SVOP: variants seen among roughly 807,000 people sequenced by gnomAD.
SVOP encodes the protein SV2 related protein.
In SVOP, 17 loss-of-function variants were observed where a neutral mutation model predicts 69.1. The observed-to-expected ratio is 0.25, with a 90% confidence interval of 0.17 to 0.37. The LOEUF is 0.37. Ranked by LOEUF, SVOP falls within the 10% of genes least tolerant of loss-of-function variation. The pLI is 1.00. For synonymous variants in SVOP, 238 were observed against 238.6 expected, an observed-to-expected ratio of 1.00 and a Z score of 0.02; for missense variants, 435 against 597.5, an observed-to-expected ratio of 0.73 and a Z score of 2.84.
At chr12:108,976,191 G>C (rs1173566956) in intron 4 of SVOP, among the ~76,000 whole-genome samples, 1 of 152,116 alleles carries the variant, frequency 6.6e-6, no homozygotes, top group Non-Finnish European at 1.5e-5. Flanking sequence ...CACACTTCTG[G>C]AGGTGACTAA....
At chr12:108,985,763 T>C (rs1056632676) in intron 1 of SVOP, among the ~76,000 whole-genome samples, 4 of 152,192 alleles carry the variant, frequency 2.6e-5, no homozygotes, top group Non-Finnish European at 5.9e-5. Context: ...ATTTGATCCA[T>C]GTTTTTAAAA....
At chr12:109,010,089 A>G (rs948014157) in intron 1 of SVOP, among the ~76,000 whole-genome samples, 1 of 149,528 alleles carries the variant, frequency 6.7e-6, no homozygotes, top group Non-Finnish European at 1.5e-5. Context: ...ATGCCACTGC[A>G]CTCCAGCCTG....
At chr12:108,925,507 A>T (rs1432680987) in intron 11 of SVOP, among the ~76,000 whole-genome samples, 1 of 152,192 alleles carries the variant, frequency 6.6e-6, no homozygotes, top group Non-Finnish European at 1.5e-5. Flanking sequence ...AGTCAAAGGG[A>T]TACTTTTTAA....
chr12:109,006,096 A>C (rs571506108), intron 1 of SVOP, among the ~76,000 whole-genome samples: 22 of 152,310 alleles, frequency 1.4e-4, no homozygotes, highest in Non-Finnish European at 2.8e-4. Flanking sequence ...CTTGTCACCC[A>C]GGCTGGAGTG....
At position 108,922,077 on chromosome 12, in the gene SVOP, A is replaced by T. The variant is rs367747547; in HGVS notation, c.1156+613T>A. On this transcript the variant is annotated intron_variant, in intron 12 of 15. Coordinates refer to ENST00000610966, the MANE Select transcript of SVOP (RefSeq NM_018711.5). The stretch of plus-strand genomic sequence containing the variant: ...GAGGATGATTCTCCATGGGTTTCTC[A>T]TATTTCTACACATCTTATGAGCAGA... Among the ~76,000 whole-genome samples the T allele has an allele frequency of 5.9e-5, 9 of 152,238 alleles. No individual in the cohort carries two copies. The East Asian group carries it at 1.5e-3, about 26-fold the overall frequency.
chr12:108,960,858 C>T, intron 6 of SVOP, 65 bp downstream of exon 6: 1 of 1,515,270 alleles, frequency 6.6e-7, no homozygotes, highest in South Asian at 1.2e-5. Flanking sequence ...ACTCCTGATC[C>T]AGACCATGAA....
intron 11 of SVOP, among the ~76,000 whole-genome samples, chr12:108,924,379 C>G (rs2039767946): frequency 6.6e-6 from 1 of 152,178 alleles, no homozygotes; most frequent in South Asian, 2.1e-4. Context: ...GTGAGTGTCC[C>G]CCAAAGTTGC....
At chr12:108,969,496 T>C (rs1284934578) in intron 5 of SVOP, among the ~76,000 whole-genome samples, 2 of 151,910 alleles carry the variant, frequency 1.3e-5, no homozygotes, top group Non-Finnish European at 2.9e-5. Flanking sequence ...CCTGGCTAAT[T>C]TTGTATTTTC....
At chr12:108,994,788 T>C (rs1299782147) in intron 1 of SVOP, among the ~76,000 whole-genome samples, 1 of 152,122 alleles carries the variant, frequency 6.6e-6, no homozygotes, top group Non-Finnish European at 1.5e-5. Context: ...AATAGAACAC[T>C]AGAAATGATC....
chr12:108,993,204 C>T (rs867940424), intron 1 of SVOP, among the ~76,000 whole-genome samples: 2 of 152,170 alleles, frequency 1.3e-5, no homozygotes, highest in Middle Eastern at 6.8e-3. Flanking sequence ...GACAGGGTTT[C>T]ACCATGTTGG....
At chr12:109,007,018 G>A (rs925286021) in intron 1 of SVOP, among the ~76,000 whole-genome samples, 2 of 152,130 alleles carry the variant, frequency 1.3e-5, no homozygotes, top group African/African-American at 2.4e-5. Context: ...GGGGGTTGGA[G>A]AGGTGGAGGG....
intron 11 of SVOP, among the ~76,000 whole-genome samples, chr12:108,926,113 A>T (rs2039778909): frequency 6.6e-6 from 1 of 151,886 alleles, no homozygotes; most frequent in South Asian, 2.1e-4. Context: ...TAGAGATAGG[A>T]ATTTGCCACA....
intron 11 of SVOP, among the ~76,000 whole-genome samples, chr12:108,930,632 G>A (rs1593180748): frequency 6.6e-6 from 1 of 152,046 alleles, no homozygotes; most frequent in East Asian, 1.9e-4. Context: ...ATGGGGTTTC[G>A]CCGTGTTGGC....
intron 15 of SVOP, 113 bp from the exon 16 acceptor site, chr12:108,912,854 A>G (rs2039693050): frequency 9.0e-7 from 1 of 1,109,682 alleles, no homozygotes; most frequent in Admixed American, 2.2e-5. Flanking sequence ...GCTTGCTAAA[A>G]AGGATCTGGT....
chr12:108,966,959 A>G lies in SVOP; in HGVS notation c.453+5446T>C, dbSNP rs2040049226. 2.7e-5 allele frequency among the ~76,000 whole-genome samples: 4 copies of G among 149,782 alleles called. No individual in the cohort carries two copies. The South Asian group carries it at 8.4e-4, about 32-fold the overall frequency. On this transcript the variant is annotated intron_variant, in intron 5 of 15. Transcript: ENST00000610966. ...GGCAGTGGTATAATAATAGACATTT[A>G]TGTCATTTTCTCTGTGCCAAGAGTT...
At chr12:108,916,120 G>GC (rs912704214) in intron 14 of SVOP, among the ~76,000 whole-genome samples, 13 of 152,284 alleles carry the variant, frequency 8.5e-5, no homozygotes, top group African/African-American at 3.1e-4. Context: ...CCTGGGGGGG[G>GC]CTCCCCAAAG....
chr12:108,929,713 C>A (rs2039803873), intron 11 of SVOP, among the ~76,000 whole-genome samples: 1 of 152,156 alleles, frequency 6.6e-6, no homozygotes, highest in South Asian at 2.1e-4. Flanking sequence ...CTATAAATCC[C>A]CACTTTGAAT....
chr12:108,938,841 T>C lies in SVOP; in HGVS notation c.883A>G (p.Ile295Val). 6.2e-7 allele frequency: 1 copy of C among 1,613,880 alleles called. No homozygotes were observed. The highest frequency in any genetic ancestry group is 8.5e-7 in the Non-Finnish European group (1 of 1,179,766). Residue 295 changes from isoleucine (I) to valine (V), a missense_variant, in exon 9 of 16, where the codon ATC becomes GTC. By Grantham distance (29) the Ile-to-Val change is conservative. Coordinates refer to ENST00000610966, the MANE Select transcript of SVOP (RefSeq NM_018711.5). ...NGAPMPLGKL[I>V]ISRQEDRGKM... Reference sequence around the variant, plus strand: ...CAGGCACTGACCTGTCTGGAGATGATGAGTTTCCCCAGCGGCATGGGAGCT... The same window carrying C: ...CAGGCACTGACCTGTCTGGAGATGACGAGTTTCCCCAGCGGCATGGGAGCT...
At chr12:108,974,546 C>G (rs1037824171) in intron 4 of SVOP, among the ~76,000 whole-genome samples, 1 of 151,940 alleles carries the variant, frequency 6.6e-6, no homozygotes, top group African/African-American at 2.4e-5. Context: ...GCCTGGGCAA[C>G]GTGGTGAAAC....
Sources: allele counts gnomAD v4.1 joint callset (sites outside exome capture counted in the v4.1 genomes callset), GRCh38; gene constraint gnomAD v4.1.1; transcripts MANE v1.5; gene names NCBI Gene and HGNC (gene_info 2026-07-23, HGNC 2026-07-21).